The following RAB11A variants were observed in gnomAD, a reference collection of about 807,000 sequenced individuals.
The protein encoded by RAB11A is ras-related protein Rab-11A.
RAB11A carries 9 observed loss-of-function variants against 28.0 expected under a neutral mutation model. The ratio of observed to expected loss-of-function variants is 0.32; its 90% CI spans 0.19 to 0.56. RAB11A has a LOEUF of 0.56. Ranked by LOEUF, RAB11A falls within the 20% of genes least tolerant of loss-of-function variation. The pLI is 0.91. For missense variants in RAB11A, 108 were observed against 269.6 expected (o/e 0.40, Z 4.20); for synonymous variants, 85 against 88.2 (o/e 0.96, Z 0.20).
rs188193685 is a variant in RAB11A, at chr15:65,873,180, A to G, written c.40+3555A>G. Among the ~76,000 whole-genome samples, 3 of 152,310 alleles carry G rather than the reference A, an allele frequency of 2.0e-5. No individual in the cohort carries two copies. The East Asian group carries it at 5.8e-4, about 29-fold the overall frequency. Reference sequence around the variant, plus strand: ...TTATTTTATTTAAAGTTGACTTTTTATTTTTAAAACTTTAATTCCTTAAGT... The same window carrying G: ...TTATTTTATTTAAAGTTGACTTTTTGTTTTTAAAACTTTAATTCCTTAAGT... On this transcript the variant is annotated intron_variant, in intron 1 of 4. Coordinates refer to ENST00000261890, the MANE Select transcript of RAB11A (RefSeq NM_004663.5).
At chr15:65,881,125 A>G (rs936803212) in intron 4 of RAB11A, among the ~76,000 whole-genome samples, 1 of 152,232 alleles carries the variant, frequency 6.6e-6, no homozygotes, top group African/African-American at 2.4e-5. Context: ...TTCTGTTATC[A>G]GAAGAATAGT....
intron 4 of RAB11A, among the ~76,000 whole-genome samples, chr15:65,887,316 G>A (rs1003395458): frequency 2.6e-5 from 4 of 152,034 alleles, no homozygotes; most frequent in African/African-American, 9.7e-5. Context: ...TGGGATTACA[G>A]GCACCCACCA....
intron 1 of RAB11A, among the ~76,000 whole-genome samples, chr15:65,876,092 A>G (rs1012618798): frequency 3.3e-5 from 5 of 152,220 alleles, no homozygotes; most frequent in African/African-American, 7.2e-5. Flanking sequence ...TTTTAAAACA[A>G]CTTAACTGCC....
intron 4 of RAB11A, among the ~76,000 whole-genome samples, chr15:65,881,059 G>A (rs1479025405): frequency 2.0e-5 from 3 of 152,022 alleles, no homozygotes; most frequent in African/African-American, 2.4e-5. Context: ...GTAGCTGAAC[G>A]GCAATTAAGG....
chr15:65,879,542 T>C, intron 3 of RAB11A, 129 bp from the exon 4 acceptor site: 1 of 609,448 alleles, frequency 1.6e-6, no homozygotes, highest in Non-Finnish European at 2.9e-6. Flanking sequence ...AATGGTGCCC[T>C]TACTGTCCCA....
At chr15:65,874,749 GA>G (rs2078182164) in intron 1 of RAB11A, among the ~76,000 whole-genome samples, 1 of 152,008 alleles carries the variant, frequency 6.6e-6, no homozygotes, top group Non-Finnish European at 1.5e-5. Context: ...ACCAAAACTT[GA>G]AAGTGCTGGA....
At position 65,891,242 on chromosome 15, in the gene RAB11A, A is replaced by G. The variant is rs572543306; in HGVS notation, c.*3402A>G. 9.9e-5 allele frequency: 15 copies of G among 152,280 alleles called. No homozygotes were observed. The highest frequency in any genetic ancestry group is 2.1e-4 in the Non-Finnish European group (14 of 68,054). The allele number at this position is 152,280 out of a possible 1,614,324, so 9.4% of individuals were successfully genotyped here. A position where few individuals can be genotyped will look rare whatever the true frequency, so the allele number is the denominator to read the frequency against. On this transcript the variant is annotated 3_prime_UTR_variant, in exon 5 of 5. Transcript: ENST00000261890. ...AAACTGTAGGAGGTCGATGGTAACA[A>G]TAAAGTGATACAAAATGCTTATGTC...
At position 65,877,571 on chromosome 15, in the gene RAB11A, G is replaced by T; in HGVS notation, c.236+44G>T. On this transcript the variant is annotated intron_variant, in intron 2 of 4. Coordinates refer to ENST00000261890, the MANE Select transcript of RAB11A (RefSeq NM_004663.5). This position sits in a 1 kb window ranked among gnomAD's most constrained non-coding sequence, Gnocchi z 4.1. ...AAGTTCTGTGAAATGGGTTGCCATCGAGTGAATTAGCTGACTTTTGGTATT... is the reference window on the plus strand; with the variant it reads ...AAGTTCTGTGAAATGGGTTGCCATCTAGTGAATTAGCTGACTTTTGGTATT... 1.3e-6 allele frequency: 2 copies of T among 1,556,118 alleles called. No homozygotes were observed. The highest frequency in any genetic ancestry group is 2.4e-5 in the South Asian group (2 of 85,016).
Position 65,887,951 on chromosome 15 carries a change from T to C in RAB11A, c.*111T>C, listed in dbSNP as rs982339577. 68 of 1,181,606 alleles carry C rather than the reference T, an allele frequency of 5.8e-5. No homozygotes were observed. In the East Asian group the frequency reaches 5.9e-4, roughly 10 times the overall value. The allele number at this position is 1,181,606 out of a possible 1,614,324, so 73.2% of individuals were successfully genotyped here. A position where few individuals can be genotyped will look rare whatever the true frequency, so the allele number is the denominator to read the frequency against. ...TTTGTGTTTTATTACTTCATACTTA[T>C]GAATTTTTCCATGTCCTAAGTCTTT... On this transcript the variant is annotated 3_prime_UTR_variant, in exon 5 of 5. Transcript: ENST00000261890.
At chr15:65,870,789 G>A (rs2078155737) in intron 1 of RAB11A, among the ~76,000 whole-genome samples, 1 of 152,076 alleles carries the variant, frequency 6.6e-6, no homozygotes, top group Admixed American at 6.5e-5. Flanking sequence ...AACATGTAGT[G>A]CCCTTGGACA....
rs1209340581 is a variant in RAB11A at position 65,888,138 on chromosome 15, G to A, written c.*298G>A. ...CTGTCACTGTATGTAGGACATAATA[G>A]AACTTGATCACTTGAAGCTCAGACC... On this transcript the variant is annotated 3_prime_UTR_variant, in exon 5 of 5. Transcript: ENST00000261890. 4.2e-6 allele frequency: 1 copy of A among 240,056 alleles called. No homozygotes were observed. Among genetic ancestry groups the A allele is most frequent in the African/African-American group, 2.3e-5 (1 of 44,356 alleles). The allele number at this position is 240,056 out of a possible 1,614,324, so 14.9% of individuals were successfully genotyped here. A position where few individuals can be genotyped will look rare whatever the true frequency, so the allele number is the denominator to read the frequency against.
intron 4 of RAB11A, among the ~76,000 whole-genome samples, chr15:65,884,464 C>G (rs143609406): frequency 1.3e-5 from 2 of 152,002 alleles, no homozygotes; most frequent in East Asian, 3.9e-4. Context: ...AAAGTTCTTA[C>G]ATAAAAAACA....
intron 4 of RAB11A, among the ~76,000 whole-genome samples, chr15:65,885,389 G>A (rs1014287952): frequency 2.0e-5 from 3 of 152,092 alleles, no homozygotes; most frequent in Non-Finnish European, 1.5e-5. Flanking sequence ...GACTCCTAAA[G>A]TGCTGGGATT....
chr15:65,869,655 A>G, intron 1 of RAB11A, 30 bp downstream of exon 1: 2 of 1,599,766 alleles, frequency 1.3e-6, no homozygotes, highest in Non-Finnish European at 1.7e-6. Context: ...CACTCTACAC[A>G]GTCCTCGTTC....
chr15:65,872,022 C>T lies in RAB11A; in HGVS notation c.40+2397C>T, dbSNP rs539017702. ...TCAAGGCTCACTGCAGTCTCGGCCT[C>T]CTCAGGCTCAGGTGACCCCCCGACC... On this transcript the variant is annotated intron_variant, in intron 1 of 4. Transcript: ENST00000261890. Among the ~76,000 whole-genome samples, 181 of 149,020 alleles carry T rather than the reference C, an allele frequency of 1.2e-3. 2 individuals carry two copies. The highest frequency in any genetic ancestry group is 4.1e-3 in the African/African-American group (164 of 40,376).
rs982339577 is a variant in RAB11A at position 65,887,951 on chromosome 15, T to A, written c.*111T>A. 1.4e-5 allele frequency: 16 copies of A among 1,181,486 alleles called. 1 individual carries two copies. The African/African-American group carries it at 2.5e-4, about 19-fold the overall frequency. The allele number at this position is 1,181,486 out of a possible 1,614,324, so 73.2% of individuals were successfully genotyped here. On this transcript the variant is annotated 3_prime_UTR_variant, in exon 5 of 5. Coordinates refer to ENST00000261890, the MANE Select transcript of RAB11A (RefSeq NM_004663.5). ...TTTGTGTTTTATTACTTCATACTTA[T>A]GAATTTTTCCATGTCCTAAGTCTTT... is the stretch of plus-strand genomic sequence containing the variant.
intron 4 of RAB11A, among the ~76,000 whole-genome samples, chr15:65,882,979 T>A (rs558657800): frequency 6.6e-6 from 1 of 152,344 alleles, no homozygotes; most frequent in East Asian, 1.9e-4. Context: ...GCTTTGTCCT[T>A]TTCTTTCTCT....
At position 65,879,754 on chromosome 15, in the gene RAB11A, A is replaced by G. The variant is rs2078210785; in HGVS notation, c.511+3A>G. The G allele has an allele frequency of 1.3e-6, 2 of 1,555,238 alleles. No homozygotes were observed. The highest frequency in any genetic ancestry group is 1.7e-5 in the Admixed American group (1 of 59,270). On this transcript the variant is annotated splice_donor_region_variant and intron_variant, in intron 4 of 4. Transcript: ENST00000261890. ...TGCTTTTCAGACAATTTTAACAGGT[A>G]AGACTTGTATTTTCAGATTACACCA...
At chr15:65,882,477 A>C (rs959410811) in intron 4 of RAB11A, among the ~76,000 whole-genome samples, 1 of 152,228 alleles carries the variant, frequency 6.6e-6, no homozygotes, top group African/African-American at 2.4e-5. Flanking sequence ...CTAAAAATTG[A>C]GATGGAGCCC....
Sources: allele counts gnomAD v4.1 joint callset (sites outside exome capture counted in the v4.1 genomes callset), GRCh38; gene constraint gnomAD v4.1.1; non-coding constraint Gnocchi (gnomAD v3.1); transcripts MANE v1.5; gene names NCBI Gene and HGNC (gene_info 2026-07-23, HGNC 2026-07-21).